The following TEC variants were observed in gnomAD, a reference collection of about 807,000 sequenced individuals.
TEC encodes tyrosine-protein kinase Tec.
In TEC, 72 loss-of-function variants were observed where a neutral mutation model predicts 93.0. The ratio of observed to expected loss-of-function variants is 0.77; its 90% confidence interval spans 0.64 to 0.94. The LOEUF is 0.94. TEC is among the 40% of genes least tolerant of loss of function. TEC has a pLI of 0.00. For synonymous variants in TEC, 249 were observed against 247.7 expected (o/e 1.01, Z -0.05); for missense variants, 630 against 757.9 (o/e 0.83, Z 1.98).
chr4:48,145,633 A>G, intron 12 of TEC, 54 bp from the exon 13 acceptor site: 6 of 1,586,016 alleles, frequency 3.8e-6, no homozygotes, highest in Non-Finnish European at 5.2e-6. Flanking sequence ...TGTAGCATGA[A>G]TCAGAGAGGG....
intron 9 of TEC, among the ~76,000 whole-genome samples, chr4:48,154,129 T>C (rs1720295745): frequency 6.6e-6 from 1 of 152,224 alleles, no homozygotes; most frequent in South Asian, 2.1e-4. Flanking sequence ...TTATGAAAGC[T>C]GTAAGGTTTG....
At chr4:48,216,724 T>A (rs1356291765) in intron 2 of TEC, among the ~76,000 whole-genome samples, 1 of 152,244 alleles carries the variant, frequency 6.6e-6, no homozygotes, top group Non-Finnish European at 1.5e-5. Context: ...AAATAAAACT[T>A]TGCTTAAAAC....
intron 14 of TEC, 80 bp downstream of exon 14, chr4:48,144,999 A>T: frequency 7.6e-7 from 1 of 1,320,710 alleles, no homozygotes; most frequent in Non-Finnish European, 1.1e-6. Context: ...ATTGGCTATT[A>T]ATACATCATT....
At chr4:48,184,135 G>A (rs7693779) in intron 2 of TEC, among the ~76,000 whole-genome samples, 33,377 of 152,070 alleles carry the variant, frequency 0.22, 5,358 homozygotes, top group African/African-American at 0.44. Flanking sequence ...GATAATCTCA[G>A]TGAATCCTCA....
chr4:48,237,060 G>A (rs1291981113), intron 1 of TEC, among the ~76,000 whole-genome samples: 2 of 152,110 alleles, frequency 1.3e-5, no homozygotes, highest in East Asian at 3.8e-4. Flanking sequence ...GGCCAGGTGC[G>A]GTGACTTACG....
At chr4:48,260,833 T>G (rs1203406698) in intron 1 of TEC, among the ~76,000 whole-genome samples, 1 of 152,208 alleles carries the variant, frequency 6.6e-6, no homozygotes, top group Non-Finnish European at 1.5e-5. Context: ...TGCTAAAGAT[T>G]TATTAAAAGT....
At chr4:48,231,308 C>T (rs985319654) in intron 1 of TEC, among the ~76,000 whole-genome samples, 1 of 152,176 alleles carries the variant, frequency 6.6e-6, no homozygotes, top group Non-Finnish European at 1.5e-5. Context: ...AAGCTCTTGC[C>T]CTTTTTGCAT....
intron 1 of TEC, among the ~76,000 whole-genome samples, chr4:48,265,505 A>G (rs1486489268): frequency 0.015 from 1,536 of 104,066 alleles, 27 homozygotes; most frequent in African/African-American, 0.044. Context: ...GTGTATATAT[A>G]TATATATATA....
chr4:48,141,163 T>TA (rs1560370904), intron 15 of TEC, among the ~76,000 whole-genome samples, 192 bp downstream of exon 15: 1 of 152,090 alleles, frequency 6.6e-6, no homozygotes, highest in African/African-American at 2.4e-5. Flanking sequence ...CACCAGGAAA[T>TA]ACAGTGTATT....
At chr4:48,158,977 G>A (rs1720513365) in intron 8 of TEC, among the ~76,000 whole-genome samples, 1 of 151,790 alleles carries the variant, frequency 6.6e-6, no homozygotes, top group Non-Finnish European at 1.5e-5. Flanking sequence ...GGAGGAAGGA[G>A]TCATACACAA....
chr4:48,198,914 TAAAG>T (rs1252369208), intron 2 of TEC, among the ~76,000 whole-genome samples: 3 of 152,220 alleles, frequency 2.0e-5, no homozygotes, highest in Non-Finnish European at 2.9e-5. Context: ...AAGGAGATGA[TAAAG>T]AAAGTAATGT....
intron 2 of TEC, among the ~76,000 whole-genome samples, chr4:48,199,345 T>G (rs1304217665): frequency 5.9e-5 from 9 of 151,934 alleles, no homozygotes; most frequent in Non-Finnish European, 1.2e-4. Flanking sequence ...CATTTACATC[T>G]CTTTCACATG....
chr4:48,142,208 C>T (rs151042106), intron 14 of TEC, among the ~76,000 whole-genome samples: 19 of 152,296 alleles, frequency 1.2e-4, no homozygotes, highest in Admixed American at 2.6e-4. Context: ...CAGTGGCTCA[C>T]GCCTGCAATC....
chr4:48,256,594 C>CA (rs34792955), intron 1 of TEC, among the ~76,000 whole-genome samples: 278 of 61,202 alleles, frequency 4.5e-3, no homozygotes, highest in African/African-American at 7.4e-3. Context: ...GACCTTGTCT[C>CA]AAAAAAAAAA....
At chr4:48,208,190 T>G (rs1722778914) in intron 2 of TEC, among the ~76,000 whole-genome samples, 1 of 152,202 alleles carries the variant, frequency 6.6e-6, no homozygotes, top group Admixed American at 6.5e-5. Flanking sequence ...GAATGCTTAA[T>G]AACAATTTCT....
chr4:48,170,338 G>A lies in TEC; in HGVS notation c.364C>T (p.Pro122Ser), dbSNP rs911548228. Residue 122 changes from proline (P) to serine (S), a missense_variant, in exon 5 of 18, where the codon CCT becomes TCT. Transcript: ENST00000381501. The part of the protein sequence containing the change: ...NNNNIMIKYH[P>S]KFWTDGSYQC... ...TAACTTCCATCTGTCCAGAATTTAG[G>A]ATGATATTTAATCATAATATTATTG... is the stretch of plus-strand genomic sequence containing the variant. 2 of 1,476,374 alleles carry A rather than the reference G, an allele frequency of 1.4e-6. No homozygotes were observed. Among genetic ancestry groups the A allele is most frequent in the Non-Finnish European group, 1.9e-6 (2 of 1,058,484 alleles). The allele number at this position is 1,476,374 out of a possible 1,614,324, so 91.5% of individuals were successfully genotyped here. A position where few individuals can be genotyped will look rare whatever the true frequency, so the allele number is the denominator to read the frequency against.
chr4:48,214,760 G>A (rs536600422), intron 2 of TEC, among the ~76,000 whole-genome samples: 45 of 152,160 alleles, frequency 3.0e-4, no homozygotes, highest in African/African-American at 1.1e-3. Flanking sequence ...AAGCTGACAT[G>A]GGAGGATTGC....
At chr4:48,208,528 C>T (rs1169971967) in intron 2 of TEC, among the ~76,000 whole-genome samples, 1 of 152,164 alleles carries the variant, frequency 6.6e-6, no homozygotes, top group Admixed American at 6.5e-5. Flanking sequence ...CCCATTCCAC[C>T]TCAGTTCCTT....
rs139654193 is a variant in TEC at position 48,193,535 on chromosome 4, C to T, written c.139-17349G>A. ...TCCCATTACAATCTTCAGAGATAAA[C>T]GTAACTACTGTCAAGGGAGAGATGG... On this transcript the variant is annotated intron_variant, in intron 2 of 17. Transcript: ENST00000381501. Among the ~76,000 whole-genome samples the T allele has an allele frequency of 7.6e-3, 1,158 of 152,206 alleles. 8 individuals are homozygous for T. Among genetic ancestry groups the T allele is most frequent in the South Asian group, 0.024 (115 of 4,820 alleles).
Sources: allele counts gnomAD v4.1 joint callset (sites outside exome capture counted in the v4.1 genomes callset), GRCh38; gene constraint gnomAD v4.1.1; transcripts MANE v1.5; gene names NCBI Gene and HGNC (gene_info 2026-07-23, HGNC 2026-07-21).